Variants in LRMDA observed in about 807,000 individuals in gnomAD.
LRMDA encodes the protein leucine rich melanocyte differentiation associated, also known as leucine-rich melanocyte differentiation-associated protein.
A neutral mutation model predicts 29.8 loss-of-function variants in LRMDA; 18 were observed. The ratio of observed to expected loss-of-function variants is 0.60; its 90% confidence interval spans 0.42 to 0.90. The LOEUF is 0.90. Ranked by LOEUF, LRMDA falls within the 40% of genes least tolerant of loss-of-function variation. The pLI, the probability that LRMDA is intolerant of heterozygous loss-of-function variation, is 0.00. For missense variants in LRMDA, 273 were observed against 273.9 expected, an observed-to-expected ratio of 1.00 and a Z score of 0.02; for synonymous variants, 125 against 109.4, an observed-to-expected ratio of 1.14 and a Z score of -0.89.
intron 2 of LRMDA, among the ~76,000 whole-genome samples, chr10:75,820,417 G>T (rs932860863): frequency 1.3e-5 from 2 of 152,194 alleles, no homozygotes; most frequent in Non-Finnish European, 2.9e-5. Context: ...TTGGGTCAAT[G>T]ATGAAATTAA....
chr10:76,279,829 T>C (rs1463920964), intron 5 of LRMDA, among the ~76,000 whole-genome samples: 1 of 152,196 alleles, frequency 6.6e-6, no homozygotes, highest in Non-Finnish European at 1.5e-5. Context: ...ACATGTGTTG[T>C]CTAATGTAAT....
At chr10:75,706,877 T>C (rs1224300525) in intron 2 of LRMDA, among the ~76,000 whole-genome samples, 5 of 152,152 alleles carry the variant, frequency 3.3e-5, no homozygotes, top group East Asian at 1.9e-4. Context: ...ATAGATGAAG[T>C]GGTGGTGGGG....
At chr10:75,845,904 G>C (rs1009266422) in intron 2 of LRMDA, among the ~76,000 whole-genome samples, 1 of 152,140 alleles carries the variant, frequency 6.6e-6, no homozygotes, top group Non-Finnish European at 1.5e-5. Flanking sequence ...TTAACACTTA[G>C]TTTTTCTCAG....
chr10:75,569,608 T>G (rs1414284146), intron 2 of LRMDA, among the ~76,000 whole-genome samples: 1 of 152,248 alleles, frequency 6.6e-6, no homozygotes, highest in Non-Finnish European at 1.5e-5. Context: ...TGAAACATTT[T>G]CCATTTTCAT....
At chr10:75,495,097 A>T (rs1589160178) in intron 2 of LRMDA, among the ~76,000 whole-genome samples, 1 of 152,330 alleles carries the variant, frequency 6.6e-6, no homozygotes, top group Middle Eastern at 3.4e-3. Context: ...GCAGTCTTTT[A>T]CCTGGGTGGC....
At chr10:76,140,200 A>T (rs1850172969) in intron 5 of LRMDA, among the ~76,000 whole-genome samples, 1 of 152,122 alleles carries the variant, frequency 6.6e-6, no homozygotes, top group African/African-American at 2.4e-5. Flanking sequence ...AACAGAATAA[A>T]AGTTACCCTG....
At chr10:75,557,828 C>T (rs3001915) in intron 2 of LRMDA, among the ~76,000 whole-genome samples, 13,867 of 152,140 alleles carry the variant, frequency 0.091, 841 homozygotes, top group East Asian at 0.3. Flanking sequence ...AGCTGTATGT[C>T]GATCTGTTAA....
At chr10:76,299,940 C>T (rs78934396) in intron 5 of LRMDA, among the ~76,000 whole-genome samples, 2,983 of 152,268 alleles carry the variant, frequency 0.02, 92 homozygotes, top group African/African-American at 0.062. Flanking sequence ...GGAAATAATA[C>T]TTCCTCATAC....
At chr10:75,800,064 CT>C (rs1843721912) in intron 2 of LRMDA, among the ~76,000 whole-genome samples, 1 of 151,898 alleles carries the variant, frequency 6.6e-6, no homozygotes, top group Non-Finnish European at 1.5e-5. Flanking sequence ...TTGAGTGGTC[CT>C]TTTTTCCCCC....
chr10:76,084,189 T>C (rs1399475916), intron 5 of LRMDA, among the ~76,000 whole-genome samples: 1 of 150,708 alleles, frequency 6.6e-6, no homozygotes, highest in Non-Finnish European at 1.5e-5. Context: ...TTTCTTTTCT[T>C]TTCTCTATTT....
At chr10:76,473,573 T>A (rs1842639123) in intron 6 of LRMDA, among the ~76,000 whole-genome samples, 1 of 150,914 alleles carries the variant, frequency 6.6e-6, no homozygotes, top group Non-Finnish European at 1.5e-5. Flanking sequence ...GAAGTAATAG[T>A]ATTTACTTGC....
chr10:75,674,616 G>T (rs1040290578), intron 2 of LRMDA, among the ~76,000 whole-genome samples: 1 of 152,092 alleles, frequency 6.6e-6, no homozygotes, highest in Admixed American at 6.5e-5. Context: ...TCAGATAATT[G>T]TCCCTTTCTG....
chr10:75,893,076 G>A (rs1845520994), intron 2 of LRMDA, among the ~76,000 whole-genome samples: 1 of 152,188 alleles, frequency 6.6e-6, no homozygotes, highest in Non-Finnish European at 1.5e-5. Flanking sequence ...TCACTGGGTT[G>A]GACTCGTGTG....
intron 6 of LRMDA, among the ~76,000 whole-genome samples, chr10:76,471,616 TAGTC>T (rs1489556944): frequency 1.1e-4 from 17 of 151,704 alleles, no homozygotes; most frequent in Non-Finnish European, 2.1e-4. Context: ...ACTGAATCAA[TAGTC>T]AGAGATTTTC....
chr10:76,438,353 T>C (rs560991736), intron 6 of LRMDA, among the ~76,000 whole-genome samples: 12 of 152,354 alleles, frequency 7.9e-5, no homozygotes, highest in Middle Eastern at 3.4e-3. Flanking sequence ...GCTTTGGTTA[T>C]TCTTTAAACT....
chr10:75,640,377 A>T (rs1388551309), intron 2 of LRMDA, among the ~76,000 whole-genome samples: 1 of 152,160 alleles, frequency 6.6e-6, no homozygotes, highest in Admixed American at 6.5e-5. Flanking sequence ...GAACACTGGA[A>T]ATACTAATCA....
chr10:76,210,596 C>T (rs1851617716), intron 5 of LRMDA, among the ~76,000 whole-genome samples: 1 of 151,986 alleles, frequency 6.6e-6, no homozygotes, highest in South Asian at 2.1e-4. Context: ...ATGGCGGTGG[C>T]CAATATTATG....
At chr10:75,475,635 A>G (rs1006599540) in intron 2 of LRMDA, among the ~76,000 whole-genome samples, 1 of 152,100 alleles carries the variant, frequency 6.6e-6, no homozygotes, top group Non-Finnish European at 1.5e-5. Flanking sequence ...CAAAATATAA[A>G]CCTTTCTCCT....
At position 76,236,001 on chromosome 10, in the gene LRMDA, C is replaced by T. The variant is rs77175177; in HGVS notation, c.517-88400C>T. Among the ~76,000 whole-genome samples, 1,118 of 152,108 alleles carry T rather than the reference C, an allele frequency of 7.4e-3. 17 individuals are homozygous for T. Among genetic ancestry groups the T allele is most frequent in the African/African-American group, 0.025 (1,039 of 41,494 alleles). Reference sequence around the variant, plus strand: ...GTTTGGGGTGGTACATTCTGTTTGGCGAGCCCAAAAAATGACCTCCAATAA... The same window carrying T: ...GTTTGGGGTGGTACATTCTGTTTGGTGAGCCCAAAAAATGACCTCCAATAA... On this transcript the variant is annotated intron_variant, in intron 5 of 6. Transcript: ENST00000611255.
Sources: allele counts gnomAD v4.1 joint callset (sites outside exome capture counted in the v4.1 genomes callset), GRCh38; gene constraint gnomAD v4.1.1; transcripts MANE v1.5; gene names NCBI Gene and HGNC (gene_info 2026-07-23, HGNC 2026-07-21).